The following NPIPB12 variants were observed in gnomAD, a reference collection of about 807,000 sequenced individuals.
NPIPB12 encodes the protein nuclear pore complex-interacting protein family member B12.
At position 29,487,416 on chromosome 16, in the gene NPIPB12, CTT is replaced by C; in HGVS notation, c.450-19_450-18del. ...AACATTTTCCTATGGATTACAATCA[CTT>C]TCATCAGATAAAGCACCACTTTCAG... is the stretch of plus-strand genomic sequence containing the variant. On this transcript the variant is annotated intron_variant, in intron 4 of 5. Transcript: ENST00000617311. 5.6e-6 allele frequency: 1 copy of C among 177,186 alleles called. No homozygotes were observed. The highest frequency in any genetic ancestry group is 8.5e-6 in the Non-Finnish European group (1 of 117,550). The allele number at this position is 177,186 out of a possible 1,614,324, so 11.0% of individuals were successfully genotyped here.
intron 2 of NPIPB12, among the ~76,000 whole-genome samples, chr16:29,495,130 C>T (rs1191990217): frequency 3.0e-5 from 4 of 132,366 alleles, no homozygotes; most frequent in Non-Finnish European, 5.2e-5. Flanking sequence ...AGATTGGAAG[C>T]TTTCCTTCCA....
At chr16:29,498,299 A>AAAATAAATAAAT (rs373111384) in intron 1 of NPIPB12, among the ~76,000 whole-genome samples, 5,687 of 135,900 alleles carry the variant, frequency 0.042, 4 homozygotes, top group African/African-American at 0.052. Flanking sequence ...AAACTGTCTC[A>AAAATAAATAAAT]AAATAAATAA....
intron 4 of NPIPB12, among the ~76,000 whole-genome samples, chr16:29,490,500 C>T (rs1450217906): frequency 6.0e-5 from 9 of 149,386 alleles, no homozygotes; most frequent in Non-Finnish European, 4.5e-5. Flanking sequence ...ATTGGGAGGC[C>T]GAGGTGTGCG....
At chr16:29,497,242 G>A (rs1382260787) in intron 1 of NPIPB12, among the ~76,000 whole-genome samples, 6 of 67,486 alleles carry the variant, frequency 8.9e-5, no homozygotes, top group African/African-American at 2.1e-4. Flanking sequence ...TGGGCTGGGC[G>A]TGGTGGCTCA....
At chr16:29,495,150 T>C (rs1260058243) in intron 2 of NPIPB12, among the ~76,000 whole-genome samples, 1 of 144,802 alleles carries the variant, frequency 6.9e-6, no homozygotes, top group Non-Finnish European at 1.5e-5. Context: ...ACCCATACGA[T>C]AGAACTACAA....
intron 4 of NPIPB12, among the ~76,000 whole-genome samples, chr16:29,490,519 C>T (rs1965068615): frequency 6.7e-6 from 1 of 149,492 alleles, no homozygotes; most frequent in Non-Finnish European, 1.5e-5. Flanking sequence ...CGGATCATGT[C>T]AGGAGTTCTA....
chr16:29,504,556 G>A (rs1204516035), intron 2 of NPIPB12, among the ~76,000 whole-genome samples: 2 of 147,622 alleles, frequency 1.4e-5, no homozygotes, highest in South Asian at 2.2e-4. Context: ...GTGTGTGTGT[G>A]TATCTATATA....
chr16:29,490,904 TAAAAAAAAAAA>T (rs1156982100), intron 4 of NPIPB12, among the ~76,000 whole-genome samples: 13 of 56,696 alleles, frequency 2.3e-4, no homozygotes, highest in Admixed American at 2.0e-3. Flanking sequence ...ATCTCAAAAT[TAAAAAAAAAAA>T]AAAAAAAAAA....
intron 1 of NPIPB12, among the ~76,000 whole-genome samples, chr16:29,498,299 A>ACAT (rs1567292669): frequency 1.4e-5 from 2 of 141,938 alleles, no homozygotes; most frequent in African/African-American, 5.3e-5. Context: ...AAACTGTCTC[A>ACAT]AAATAAATAA....
At chr16:29,498,349 T>A (rs1965166991) in intron 1 of NPIPB12, among the ~76,000 whole-genome samples, 2 of 147,046 alleles carry the variant, frequency 1.4e-5, no homozygotes, top group Non-Finnish European at 3.0e-5. Flanking sequence ...ATAATGTAGA[T>A]CTTGAAAGGG....
At chr16:29,502,101 GGCTCCCCAAA>G (rs1965200902), upstream of NPIPB12, among the ~76,000 whole-genome samples, 1 of 2,516 alleles carries the variant, frequency 4.0e-4, no homozygotes, top group African/African-American at 1.0e-3. Context: ...GCCCAGGAAA[GGCTCCCCAAA>G]GCCAGGATCA....
At chr16:29,490,511 G>T (rs1965068452) in intron 4 of NPIPB12, among the ~76,000 whole-genome samples, 1 of 149,592 alleles carries the variant, frequency 6.7e-6, no homozygotes, top group Non-Finnish European at 1.5e-5. Context: ...GAGGTGTGCG[G>T]ATCATGTCAG....
chr16:29,504,469 C>G (rs1227438969), intron 2 of NPIPB12, among the ~76,000 whole-genome samples: 3 of 134,572 alleles, frequency 2.2e-5, no homozygotes, highest in African/African-American at 8.3e-5. Context: ...TGTGCCATTG[C>G]ACTCCAGCCT....
intron 2 of NPIPB12, among the ~76,000 whole-genome samples, chr16:29,492,792 CAAAAAAA>C (rs1217104796): frequency 1.5e-4 from 10 of 64,606 alleles, no homozygotes. Context: ...GACTCCGTCT[CAAAAAAA>C]AAAAAAAAAA....
At chr16:29,490,468 C>T (rs1391028269) in intron 4 of NPIPB12, among the ~76,000 whole-genome samples, 1 of 149,336 alleles carries the variant, frequency 6.7e-6, no homozygotes, top group African/African-American at 2.4e-5. Flanking sequence ...GGCACGGTGG[C>T]TCACGCCTGT....
intron 2 of NPIPB12, among the ~76,000 whole-genome samples, chr16:29,492,524 G>A (rs1299072963): frequency 5.8e-4 from 46 of 78,910 alleles, no homozygotes; most frequent in Non-Finnish European, 1.1e-3. Context: ...GGCCAGATGC[G>A]GTAGCTCACG....
upstream of NPIPB12, among the ~76,000 whole-genome samples, chr16:29,501,179 G>A (rs1965189114): frequency 1.3e-5 from 1 of 75,358 alleles, no homozygotes; most frequent in Non-Finnish European, 2.3e-5. Context: ...TAAGAAGCAA[G>A]CAAAACAAAA....
chr16:29,501,207 T>C (rs1965189664), upstream of NPIPB12, among the ~76,000 whole-genome samples: 1 of 75,882 alleles, frequency 1.3e-5, no homozygotes, highest in Non-Finnish European at 2.3e-5. Flanking sequence ...GGGCTGGGTG[T>C]GGTGGCTCAC....
chr16:29,498,380 T>A (rs1289057013), intron 1 of NPIPB12, among the ~76,000 whole-genome samples: 456 of 135,084 alleles, frequency 3.4e-3, no homozygotes, highest in African/African-American at 0.013. Flanking sequence ...TGCTGGTGTA[T>A]GTACTTTCCA....
Sources: allele counts gnomAD v4.1 joint callset (sites outside exome capture counted in the v4.1 genomes callset), GRCh38; gene constraint gnomAD v4.1.1; transcripts MANE v1.5; gene names NCBI Gene and HGNC (gene_info 2026-07-23, HGNC 2026-07-21).